S100PBP: variants seen among roughly 807,000 people sequenced by gnomAD.
S100PBP encodes the protein S100P binding protein, also known as S100P-binding protein.
In S100PBP, 15 loss-of-function variants were observed where a neutral mutation model predicts 39.9. That is an observed-to-expected ratio of 0.38 (90% confidence interval 0.25 to 0.58). The LOEUF (loss-of-function observed/expected upper bound fraction) is 0.58. Ranked by LOEUF, S100PBP falls within the 20% of genes least tolerant of loss-of-function variation. The pLI, the probability that S100PBP is intolerant of heterozygous loss-of-function variation, is 0.70. For synonymous variants in S100PBP, 178 were observed against 180.3 expected (o/e 0.99, Z 0.10); for missense variants, 504 against 487.3 (o/e 1.03, Z -0.32).
Position 32,858,340 on chromosome 1 carries a change from T to G in S100PBP, c.*2302T>G, listed in dbSNP as rs1640894063. 6.6e-6 allele frequency: 1 copy of G among 152,630 alleles called. No individual in the cohort carries two copies. The highest frequency in any genetic ancestry group is 1.5e-5 in the Non-Finnish European group (1 of 68,044). The allele number at this position is 152,630 out of a possible 1,614,324, so 9.5% of individuals were successfully genotyped here. A position where few individuals can be genotyped will look rare whatever the true frequency, so the allele number is the denominator to read the frequency against. On this transcript the variant is annotated 3_prime_UTR_variant, in exon 7 of 7. Coordinates refer to ENST00000373475, the MANE Select transcript of S100PBP (RefSeq NM_022753.4). ...TTTCCTCTTAGCTCAAATAATTCTG[T>G]TTTTCCAAAGCTTTAGCAGCTTAAT...
At chr1:32,838,570 C>T (rs181828799) in intron 5 of S100PBP, among the ~76,000 whole-genome samples, 3 of 152,198 alleles carry the variant, frequency 2.0e-5, no homozygotes, top group African/African-American at 7.2e-5. Flanking sequence ...TGGCTGGGTG[C>T]AGTGGCTCAC....
At chr1:32,824,827 C>CACATATATATATATATATATATAT (rs1308786898) in intron 1 of S100PBP, 2 of 129,594 alleles carry the variant, frequency 1.5e-5, no homozygotes, top group African/African-American at 6.3e-5. Context: ...TTTTTCTATA[C>CACATATATATATATATATATATAT]ATATATATAT....
rs372174677 is a variant in S100PBP, at chr1:32,842,236, T to TATACACAC, written c.1025-10842_1025-10841insTACACACA. ...ATATATATATGTATATATATATATA[T>TATACACAC]ACACACACACACACACACACACACA... On this transcript the variant is annotated intron_variant, in intron 5 of 6. Coordinates refer to ENST00000373475, the MANE Select transcript of S100PBP (RefSeq NM_022753.4). 5.1e-3 allele frequency among the ~76,000 whole-genome samples: 411 copies of TATACACAC among 80,846 alleles called. 14 individuals are homozygous for TATACACAC. The highest frequency in any genetic ancestry group is 0.043 in the Admixed American group (259 of 6,056). The allele number at this position is 80,846 out of a possible 152,430, so 53.0% of individuals were successfully genotyped here.
chr1:32,836,164 G>A (rs1213448996), intron 5 of S100PBP: 3 of 145,780 alleles, frequency 2.1e-5, no homozygotes, highest in African/African-American at 2.5e-5. Context: ...CTGGAGTCTC[G>A]CCCTGTCATC....
chr1:32,836,341 A>G (rs1433853443), intron 5 of S100PBP: 1 of 156,142 alleles, frequency 6.4e-6, no homozygotes, highest in Non-Finnish European at 1.4e-5. Context: ...CATGTTGGTC[A>G]GGCTGGTCTC....
intron 5 of S100PBP, chr1:32,835,791 T>A (rs1468873074): frequency 6.6e-6 from 1 of 152,098 alleles, no homozygotes; most frequent in Non-Finnish European, 1.5e-5. Flanking sequence ...CCACTCAATT[T>A]CCTTCCTTTT....
intron 5 of S100PBP, among the ~76,000 whole-genome samples, chr1:32,839,918 A>G (rs1327098973): frequency 2.6e-5 from 4 of 152,142 alleles, no homozygotes; most frequent in East Asian, 3.9e-4. Context: ...GGCTCAAGCA[A>G]TCCTCCCACC....
chr1:32,830,475 CA>C (rs1639546109), intron 5 of S100PBP, among the ~76,000 whole-genome samples: 1 of 152,204 alleles, frequency 6.6e-6, no homozygotes, highest in Non-Finnish European at 1.5e-5. Context: ...GCAGGCATTT[CA>C]AACACCATTC....
At chr1:32,843,255 A>G (rs574291984) in intron 5 of S100PBP, 2 of 152,100 alleles carry the variant, frequency 1.3e-5, no homozygotes, top group African/African-American at 4.8e-5. Flanking sequence ...GATGCCTTTT[A>G]TTTTCTTTTC....
At position 32,829,947 on chromosome 1, in the gene S100PBP, G is replaced by C. The variant is rs773980711; in HGVS notation, c.921-17G>C. ...CTAATGGGCTGTTTTTCTTTTTTCT[G>C]GTTTGCTTTATTCAAGGACTAATGT... is the stretch of plus-strand genomic sequence containing the variant. On this transcript the variant is annotated splice_polypyrimidine_tract_variant and intron_variant, in intron 4 of 6. Transcript: ENST00000373475. 1 of 1,583,020 alleles carries C rather than the reference G, an allele frequency of 6.3e-7. No individual in the cohort carries two copies. Among genetic ancestry groups the C allele is most frequent in the Non-Finnish European group, 8.7e-7 (1 of 1,153,536 alleles).
chr1:32,821,625 C>CG (rs1553128033), intron 1 of S100PBP, among the ~76,000 whole-genome samples: 2 of 140,026 alleles, frequency 1.4e-5, no homozygotes, highest in African/African-American at 2.7e-5. Flanking sequence ...TGGCCTGTTT[C>CG]TTTTTTCTTT....
intron 5 of S100PBP, among the ~76,000 whole-genome samples, chr1:32,851,107 C>G (rs1044736282): frequency 2.0e-5 from 3 of 152,152 alleles, no homozygotes; most frequent in African/African-American, 7.2e-5. Context: ...CCCAGGGTCA[C>G]AGAGCTAATT....
intron 5 of S100PBP, among the ~76,000 whole-genome samples, chr1:32,850,869 A>G (rs1640579458): frequency 6.6e-6 from 1 of 152,230 alleles, no homozygotes; most frequent in Non-Finnish European, 1.5e-5. Context: ...GATCCATTTA[A>G]TAAACGTTTT....
chr1:32,841,729 CA>C (rs56267418), intron 5 of S100PBP, among the ~76,000 whole-genome samples: 9,915 of 55,360 alleles, frequency 0.18, 259 homozygotes, highest in Admixed American at 0.21. Flanking sequence ...AACTCTGTCT[CA>C]AAAAAAAAAA....
intron 1 of S100PBP, chr1:32,818,384 C>CT (rs1331321253): frequency 3.9e-5 from 6 of 152,464 alleles, no homozygotes; most frequent in African/African-American, 1.4e-4. Flanking sequence ...TCCTCAAGGG[C>CT]TGGAGGCGGC....
intron 3 of S100PBP, 47 bp from the exon 4 acceptor site, chr1:32,827,946 A>T: frequency 7.6e-7 from 1 of 1,307,758 alleles, no homozygotes; most frequent in Non-Finnish European, 1.1e-6. Flanking sequence ...TGCTTTTCTT[A>T]TAACTAAGAA....
At chr1:32,833,339 CTT>C (rs1466863655) in intron 5 of S100PBP, among the ~76,000 whole-genome samples, 2 of 151,448 alleles carry the variant, frequency 1.3e-5, no homozygotes, top group African/African-American at 4.9e-5. Context: ...TGAAAAATAA[CTT>C]TGTTCTGTCT....
intron 5 of S100PBP, 76 bp from the exon 6 acceptor site, chr1:32,853,003 C>T (rs1179002410): frequency 2.0e-6 from 2 of 1,001,106 alleles, no homozygotes; most frequent in Non-Finnish European, 1.6e-6. Context: ...TTCTCTTTCC[C>T]TGAAAACACA....
intron 5 of S100PBP, chr1:32,847,251 C>T (rs1387977587): frequency 6.6e-6 from 1 of 152,194 alleles, no homozygotes; most frequent in African/African-American, 2.4e-5. Flanking sequence ...TGTTGTAGTG[C>T]ACATCTACTG....
Sources: gnomAD v4.1 joint callset for allele counts (sites outside exome capture counted in the v4.1 genomes callset) on GRCh38, gnomAD v4.1.1 for gene constraint, MANE v1.5 for transcripts, NCBI Gene and HGNC (gene_info 2026-07-23, HGNC 2026-07-21) for gene names.